FGF13: variants seen among roughly 807,000 people sequenced by gnomAD.
The protein encoded by FGF13 is fibroblast growth factor homologous factor 2.
Under a neutral mutation model 19.5 loss-of-function variants are expected in FGF13, and 2 were observed. The observed-to-expected ratio is 0.10, with a 90% CI of 0.04 to 0.32. The LOEUF is 0.32. Ranked by LOEUF, FGF13 falls within the 10% of genes least tolerant of loss-of-function variation. The pLI is 1.00. For missense variants in FGF13, 113 were observed against 192.7 expected (o/e 0.59, Z 2.45); for synonymous variants, 72 against 76.9 (o/e 0.94, Z 0.33).
intron 1 of FGF13, among the ~76,000 whole-genome samples, chrX:139,093,023 AG>A (rs79699323): frequency 0.068 from 7,593 of 111,830 alleles, 319 homozygotes; most frequent in African/African-American, 0.14. Flanking sequence ...AACCACCACA[AG>A]CAAGCAAAAG....
chrX:139,130,015 G>A (rs2083749318), intron 1 of FGF13, among the ~76,000 whole-genome samples: 1 of 112,325 alleles, frequency 8.9e-6, no homozygotes, highest in African/African-American at 3.2e-5. Flanking sequence ...ACAGTAGTAA[G>A]AACTGAATGA....
intron 1 of FGF13, among the ~76,000 whole-genome samples, chrX:139,126,506 G>A (rs1405033821): frequency 9.0e-6 from 1 of 111,675 alleles, no homozygotes; most frequent in Non-Finnish European, 1.9e-5. Flanking sequence ...TTCATCTGTG[G>A]ATTCTGAGTA....
rs4019360 is a variant in FGF13, at chrX:138,627,597, CTGTGTGTGTGTGTGTGTGTGTG to C, written c.*5231_*5252del. ...GGAGGCCCATCTAGTGTGTGTGTGC[CTGTGTGTGTGTGTGTGTGTGTG>C]TGTGTGTGCGCGTGTGTGTGTGTGT... On this transcript the variant is annotated 3_prime_UTR_variant, in exon 5 of 5. Coordinates refer to ENST00000315930, the MANE Select transcript of FGF13 (RefSeq NM_004114.5). The C allele has an allele frequency of 1.2e-5, 1 of 86,308 alleles. No individual in the cohort carries two copies. The highest frequency in any genetic ancestry group is 4.5e-5 in the African/African-American group (1 of 22,201). The allele number at this position is 86,308 out of a possible 1,213,427, so 7.1% of individuals were successfully genotyped here.
intron 1 of FGF13, among the ~76,000 whole-genome samples, chrX:139,118,984 C>T (rs777243547): frequency 1.8e-5 from 2 of 111,290 alleles, no homozygotes. Context: ...AACACAGAGA[C>T]CCCATCTTTA....
chrX:138,715,919 G>A (rs1301639405), upstream of FGF13: 1 of 112,047 alleles, frequency 8.9e-6, no homozygotes, highest in Non-Finnish European at 1.9e-5. Flanking sequence ...GGAAGCTGAG[G>A]GGACCTGCTC....
At chrX:139,004,650 C>T in intron 1 of FGF13, among the ~76,000 whole-genome samples, 1 of 112,392 alleles carries the variant, frequency 8.9e-6, no homozygotes. Flanking sequence ...CAATTCCAGG[C>T]CTTGGCTCTT....
At chrX:139,135,036 G>GA (rs938270916) in intron 1 of FGF13, among the ~76,000 whole-genome samples, 1,186 of 106,663 alleles carry the variant, frequency 0.011, 14 homozygotes, top group African/African-American at 0.036. Flanking sequence ...ATGAATGGCA[G>GA]AAAAAAAAAA....
chrX:139,032,937 G>C (rs1322070446), intron 1 of FGF13, among the ~76,000 whole-genome samples: 2 of 104,022 alleles, frequency 1.9e-5, no homozygotes, highest in African/African-American at 7.0e-5. Flanking sequence ...GAATTTTTTG[G>C]TGCCAAGGAA....
intron 1 of FGF13, among the ~76,000 whole-genome samples, chrX:138,872,347 A>C (rs1289321533): frequency 8.9e-6 from 1 of 112,080 alleles, no homozygotes; most frequent in Non-Finnish European, 1.9e-5. Context: ...TCATTGCACT[A>C]AATCTATCTA....
At chrX:139,138,564 GCAGC>G (rs2083817659) in intron 1 of FGF13, among the ~76,000 whole-genome samples, 1 of 110,605 alleles carries the variant, frequency 9.0e-6, no homozygotes, top group Non-Finnish European at 1.9e-5. Flanking sequence ...AGGGCTTAAG[GCAGC>G]CACCAGAGCT....
intron 1 of FGF13, among the ~76,000 whole-genome samples, chrX:138,883,549 T>C (rs1251057323): frequency 1.8e-5 from 2 of 111,416 alleles, no homozygotes; most frequent in Non-Finnish European, 3.8e-5. Context: ...GAAAATCTCA[T>C]ACAATGGTGT....
At chrX:138,717,836 C>G (rs1362919444) in intron 1 of FGF13, among the ~76,000 whole-genome samples, 3 of 111,073 alleles carry the variant, frequency 2.7e-5, no homozygotes, top group Non-Finnish European at 3.8e-5. Flanking sequence ...CTCTATCTAT[C>G]TCCTGGCTTC....
chrX:138,940,368 C>T (rs151022176), intron 1 of FGF13, among the ~76,000 whole-genome samples: 1,995 of 111,707 alleles, frequency 0.018, 57 homozygotes, highest in African/African-American at 0.061. Context: ...TAATTTCTCC[C>T]ACTCTGTTGA....
chrX:138,656,032 G>A (rs938845728), intron 3 of FGF13, among the ~76,000 whole-genome samples: 1 of 111,893 alleles, frequency 8.9e-6, no homozygotes, highest in Non-Finnish European at 1.9e-5. Context: ...AAAGCCCTAG[G>A]GATACTACAG....
chrX:138,773,958 G>T (rs1355204788), intron 3 of FGF13, among the ~76,000 whole-genome samples: 2 of 110,670 alleles, frequency 1.8e-5, no homozygotes, highest in Non-Finnish European at 3.8e-5. Context: ...CTAAGTCTTG[G>T]CTTATCTTCT....
intron 1 of FGF13, among the ~76,000 whole-genome samples, chrX:139,062,854 C>T (rs750400698): frequency 8.5e-4 from 95 of 111,698 alleles, no homozygotes; most frequent in African/African-American, 3.0e-3. Context: ...TTGCTTAAGC[C>T]GGTACCAGAA....
chrX:138,793,367 C>T (rs1258685817), intron 3 of FGF13, among the ~76,000 whole-genome samples: 1 of 111,377 alleles, frequency 9.0e-6, no homozygotes, highest in African/African-American at 3.3e-5. Context: ...AGGATAGTTC[C>T]ATTTACCTCT....
At chrX:139,070,871 G>T (rs1004683207) in intron 1 of FGF13, among the ~76,000 whole-genome samples, 1 of 111,425 alleles carries the variant, frequency 9.0e-6, no homozygotes, top group Non-Finnish European at 1.9e-5. Context: ...ATCATTCTCA[G>T]CAAACTAACA....
intron 1 of FGF13, among the ~76,000 whole-genome samples, chrX:139,015,783 G>T (rs890790242): frequency 1.8e-5 from 2 of 111,581 alleles, no homozygotes; most frequent in African/African-American, 6.5e-5. Context: ...AAAACTAGAA[G>T]AATCACATTT....
Sources: gnomAD v4.1 joint callset for allele counts (sites outside exome capture counted in the v4.1 genomes callset) on GRCh38, gnomAD v4.1.1 for gene constraint, MANE v1.5 for transcripts, NCBI Gene and HGNC (gene_info 2026-07-23, HGNC 2026-07-21) for gene names.